The following ABI2 variants were observed in gnomAD, a reference collection of about 807,000 sequenced individuals.
ABI2 encodes abl interactor 2.
A neutral mutation model predicts 59.2 loss-of-function variants in ABI2; 25 were observed. The observed-to-expected ratio is 0.42, with a 90% CI of 0.31 to 0.59. The LOEUF (loss-of-function observed/expected upper bound fraction) is 0.59. Ranked by LOEUF, ABI2 falls within the 20% of genes least tolerant of loss-of-function variation. The probability of loss-of-function intolerance (pLI) is 0.14; values close to 1 mark genes in which losing one functional copy is unlikely to be tolerated. For synonymous variants in ABI2, 213 were observed against 235.5 expected, an observed-to-expected ratio of 0.90 and a Z score of 0.87; for missense variants, 545 against 681.8, an observed-to-expected ratio of 0.80 and a Z score of 2.23.
chr2:203,343,690 T>C (rs1260492029), intron 1 of ABI2, among the ~76,000 whole-genome samples: 1 of 152,170 alleles, frequency 6.6e-6, no homozygotes, highest in Non-Finnish European at 1.5e-5. Context: ...AGCTCTCTGA[T>C]TGAGATTGGT....
intron 9 of ABI2, 65 bp downstream of exon 9, chr2:203,402,799 A>T: frequency 7.2e-7 from 1 of 1,383,950 alleles, no homozygotes; most frequent in Non-Finnish European, 9.6e-7. Flanking sequence ...AACTACAAAA[A>T]ACCCTTAATT....
At chr2:203,405,562 T>A (rs1217664728) in intron 9 of ABI2, among the ~76,000 whole-genome samples, 2 of 151,912 alleles carry the variant, frequency 1.3e-5, no homozygotes, top group African/African-American at 2.4e-5. Flanking sequence ...AAAAAAAAAA[T>A]TATGTAAGTC....
intron 1 of ABI2, among the ~76,000 whole-genome samples, chr2:203,355,684 AGGCAGGCAT>A (rs1262987919): frequency 1.3e-5 from 2 of 151,812 alleles, no homozygotes; most frequent in Admixed American, 6.6e-5. Flanking sequence ...ATACAGAATT[AGGCAGGCAT>A]GGTGGCGCAC....
At chr2:203,350,319 C>T (rs1387975402) in intron 1 of ABI2, among the ~76,000 whole-genome samples, 1 of 152,054 alleles carries the variant, frequency 6.6e-6, no homozygotes, top group Non-Finnish European at 1.5e-5. Context: ...TCAGGTGATC[C>T]TCCCGCCTCG....
intron 1 of ABI2, 89 bp downstream of exon 1, chr2:203,328,720 A>G: frequency 1.2e-6 from 1 of 819,764 alleles, no homozygotes; most frequent in Non-Finnish European, 1.8e-6. Context: ...CGCCTCGGGG[A>G]CACGGCCCAG....
intron 1 of ABI2, among the ~76,000 whole-genome samples, chr2:203,341,360 C>T (rs1421331238): frequency 6.6e-6 from 1 of 152,148 alleles, no homozygotes; most frequent in Non-Finnish European, 1.5e-5. Context: ...TAAATATTCG[C>T]TAAATGAGCG....
rs917855301 is a variant in ABI2, at chr2:203,430,882, A to C, written c.*3530A>C. On this transcript the variant is annotated 3_prime_UTR_variant, in exon 12 of 12. Transcript: ENST00000261018. ...AAGATTTTTCTCTTTGGGAGGCATC[A>C]AAATGATGGTAGTTTGCTTTTATCT... is the stretch of plus-strand genomic sequence containing the variant. 1 of 152,248 alleles carries C rather than the reference A, an allele frequency of 6.6e-6. No individual in the cohort carries two copies. Among genetic ancestry groups the C allele is most frequent in the African/African-American group, 2.4e-5 (1 of 41,458 alleles). 9.4% of individuals were successfully genotyped at this position (152,248 alleles called of 1,614,324 possible).
chr2:203,394,651 G>A (rs374916082), intron 5 of ABI2, 49 bp from the exon 6 acceptor site: 1 of 1,559,990 alleles, frequency 6.4e-7, no homozygotes, highest in South Asian at 1.2e-5. Context: ...TGAATTTATT[G>A]TGCCGAAACT....
At chr2:203,355,674 A>AG (rs1248833062) in intron 1 of ABI2, among the ~76,000 whole-genome samples, 2 of 151,950 alleles carry the variant, frequency 1.3e-5, no homozygotes, top group African/African-American at 4.8e-5. Flanking sequence ...TACTAAAAAA[A>AG]TACAGAATTA....
chr2:203,393,570 G>A (rs911472167), intron 5 of ABI2, among the ~76,000 whole-genome samples: 1 of 152,112 alleles, frequency 6.6e-6, no homozygotes, highest in African/African-American at 2.4e-5. Flanking sequence ...AATTACCAAT[G>A]TATGTATTTA....
intron 8 of ABI2, among the ~76,000 whole-genome samples, chr2:203,402,057 C>G (rs1264964096): frequency 6.6e-6 from 1 of 152,206 alleles, no homozygotes; most frequent in African/African-American, 2.4e-5. Flanking sequence ...TATTTTGAGA[C>G]AGAGTCTCAC....
At chr2:203,402,185 C>G (rs1261318067) in intron 8 of ABI2, among the ~76,000 whole-genome samples, 1 of 152,142 alleles carries the variant, frequency 6.6e-6, no homozygotes, top group African/African-American at 2.4e-5. Flanking sequence ...CAGGCGCACG[C>G]CACCATACCT....
rs781408647 is a variant in ABI2 at position 203,391,132 on chromosome 2, A to G, written c.567A>G (p.Lys189=). 10 of 1,612,558 alleles carry G rather than the reference A, an allele frequency of 6.2e-6. No homozygotes were observed. The highest frequency in any genetic ancestry group is 8.5e-6 in the Non-Finnish European group (10 of 1,179,188). ...QKPPSPPMSG[K]GTLGRHSPYR... is the part of the protein sequence containing the mutation. ...CCCCTAGTCCCCCTATGTCAGGGAA[A>G]GGGACACTTGGGTGAGTATATAAGT... The change falls in exon 5 of 12, where the codon AAA becomes AAG. Residue 189 remains lysine, a synonymous_variant. Coordinates refer to ENST00000261018, the MANE Select transcript of ABI2 (RefSeq NM_001375670.1).
At chr2:203,337,514 T>C (rs1446556791) in intron 1 of ABI2, among the ~76,000 whole-genome samples, 1 of 152,196 alleles carries the variant, frequency 6.6e-6, no homozygotes, top group East Asian at 1.9e-4. Context: ...TGGGAAGATA[T>C]CCCGTGCTCA....
intron 8 of ABI2, among the ~76,000 whole-genome samples, chr2:203,399,046 T>TA (rs2097116856): frequency 6.6e-6 from 1 of 152,184 alleles, no homozygotes; most frequent in African/African-American, 2.4e-5. Flanking sequence ...TGGGTTTTTA[T>TA]ATCAGGTAAA....
At chr2:203,338,987 T>A (rs2078222319) in intron 1 of ABI2, among the ~76,000 whole-genome samples, 6 of 37,826 alleles carry the variant, frequency 1.6e-4, no homozygotes, top group African/African-American at 3.6e-4. Context: ...TATATAAATA[T>A]ATATATATAT....
At position 203,380,291 on chromosome 2, in the gene ABI2, G is replaced by A. The variant is rs2096028975; in HGVS notation, c.369G>A (p.Lys123=). Residue 123 remains lysine (K), a synonymous_variant, in exon 3 of 12, where the codon AAG becomes AAA. Coordinates refer to ENST00000261018, the MANE Select transcript of ABI2 (RefSeq NM_001375670.1). ...TTNKNTSRTH[K]IIAPANLERP... is the part of the protein sequence containing the mutation. ...ATAAAAACACTTCAAGGACACATAAGATTATTGCTCCAGCCAACCTTGAAC... is the reference window on the plus strand; with the variant it reads ...ATAAAAACACTTCAAGGACACATAAAATTATTGCTCCAGCCAACCTTGAAC... 6.2e-7 allele frequency: 1 copy of A among 1,609,438 alleles called. No homozygotes were observed. Among genetic ancestry groups the A allele is most frequent in the Non-Finnish European group, 8.5e-7 (1 of 1,177,992 alleles).
At chr2:203,329,341 ATTTTT>A (rs11376266) in intron 1 of ABI2, 2 of 100,700 alleles carry the variant, frequency 2.0e-5, no homozygotes, top group Admixed American at 1.3e-4. Context: ...TCCTGGTTTA[ATTTTT>A]TTTTTTTTTT....
At chr2:203,360,691 A>C (rs2093366630) in intron 1 of ABI2, among the ~76,000 whole-genome samples, 1 of 152,218 alleles carries the variant, frequency 6.6e-6, no homozygotes, top group African/African-American at 2.4e-5. Flanking sequence ...GATATGGCCT[A>C]GCTGTGAAAC....
Sources: gnomAD v4.1 joint callset for allele counts (sites outside exome capture counted in the v4.1 genomes callset) on GRCh38, gnomAD v4.1.1 for gene constraint, MANE v1.5 for transcripts, NCBI Gene and HGNC (gene_info 2026-07-23, HGNC 2026-07-21) for gene names.